CD99: variants seen among roughly 807,000 people sequenced by gnomAD.
CD99 encodes the protein CD99 molecule (Xg blood group).
Under a neutral mutation model 28.4 loss-of-function variants are expected in CD99, and 19 were observed. The ratio of observed to expected loss-of-function variants is 0.67; its 90% CI spans 0.47 to 0.98. The LOEUF (loss-of-function observed/expected upper bound fraction) is 0.98. Ranked by LOEUF, CD99 falls within the 50% of genes least tolerant of loss-of-function variation. The pLI, the probability that CD99 is intolerant of heterozygous loss-of-function variation, is 0.00. For missense variants in CD99, 283 were observed against 248.8 expected, an observed-to-expected ratio of 1.14 and a Z score of -0.92; for synonymous variants, 103 against 92.1, an observed-to-expected ratio of 1.12 and a Z score of -0.67.
intron 8 of CD99, 173 bp downstream of exon 8, chrX:2,726,546 C>A (rs1439487809): frequency 4.3e-6 from 3 of 692,918 alleles, no homozygotes; most frequent in Non-Finnish European, 7.9e-6. Flanking sequence ...GATTTCAGGG[C>A]TGTTCTGCCT....
intron 2 of CD99, among the ~76,000 whole-genome samples, chrX:2,716,388 G>A (rs1239752975): frequency 6.6e-6 from 1 of 151,984 alleles, no homozygotes; most frequent in South Asian, 2.1e-4. Context: ...TCAGGTTGGA[G>A]TGCAGTGTTG....
intron 1 of CD99, among the ~76,000 whole-genome samples, chrX:2,705,905 G>A (rs1333258459): frequency 2.6e-5 from 4 of 152,190 alleles, no homozygotes; most frequent in East Asian, 1.9e-4. Context: ...GAGGACTTCC[G>A]GTGCTTGCTC....
chrX:2,727,283 A>G (rs1443956477), intron 8 of CD99: 6 of 778,784 alleles, frequency 7.7e-6, no homozygotes, highest in South Asian at 1.3e-5. Flanking sequence ...CACCATTGCA[A>G]TCCTCCTAGG....
At chrX:2,737,286 T>G (rs1345464793) in intron 8 of CD99, among the ~76,000 whole-genome samples, 6 of 151,880 alleles carry the variant, frequency 4.0e-5, no homozygotes, top group Non-Finnish European at 7.4e-5. Context: ...CAAATGATTC[T>G]CCTGTCTCAG....
intron 9 of CD99, among the ~76,000 whole-genome samples, chrX:2,740,023 C>T (rs1203547154): frequency 2.6e-5 from 4 of 151,230 alleles, no homozygotes; most frequent in Non-Finnish European, 4.4e-5. Flanking sequence ...ACCCGGGAGG[C>T]GGAGGTTGTG....
chrX:2,729,735 C>G (rs1389342164), intron 8 of CD99, among the ~76,000 whole-genome samples: 1 of 152,126 alleles, frequency 6.6e-6, no homozygotes, highest in African/African-American at 2.4e-5. Flanking sequence ...CTTATCCGCC[C>G]CGCCACCCCT....
intron 8 of CD99, among the ~76,000 whole-genome samples, chrX:2,727,856 T>G (rs1036111940): frequency 5.3e-5 from 8 of 152,164 alleles, no homozygotes; most frequent in African/African-American, 1.9e-4. Context: ...ACTTAGATCT[T>G]AAGTCCTTAT....
At chrX:2,712,114 G>A (rs1228037175) in intron 1 of CD99, among the ~76,000 whole-genome samples, 1 of 152,124 alleles carries the variant, frequency 6.6e-6, no homozygotes, top group Non-Finnish European at 1.5e-5. Context: ...AGTGCAGTAA[G>A]CCGAGCACAG....
chrX:2,692,188 C>G (rs745981738), intron 1 of CD99: 4 of 483,164 alleles, frequency 8.3e-6, no homozygotes, highest in African/African-American at 7.9e-5. Context: ...GTTTCCCTCC[C>G]TTTGAAACGG....
intron 8 of CD99, chrX:2,727,325 G>C (rs311083): frequency 0.62 from 481,420 of 778,214 alleles, 154,069 homozygotes; most frequent in African/African-American, 0.87. Context: ...ACCTTGTATT[G>C]GGATCCGCCG....
At chrX:2,726,536 GA>G in intron 8 of CD99, 163 bp downstream of exon 8, 1 of 697,508 alleles carries the variant, frequency 1.4e-6, no homozygotes, top group East Asian at 2.7e-5. Flanking sequence ...TTCTGGCTTT[GA>G]TTTCAGGGCT....
rs754660649 is a variant in CD99, at chrX:2,720,577, A to G, written c.262+153A>G. 96 of 170,224 alleles carry G rather than the reference A, an allele frequency of 5.6e-4. No homozygotes were observed. Among genetic ancestry groups the G allele is most frequent in the African/African-American group, 2.3e-3 (91 of 39,630 alleles). 10.5% of individuals were successfully genotyped at this position (170,224 alleles called of 1,614,324 possible). ...CATGTTCATGTAATGGAAAATGTAC[A>G]TTTCAAAAATATATATTTAGCTTGG... On this transcript the variant is annotated intron_variant, in intron 5 of 9. Transcript: ENST00000381192.
intron 7 of CD99, 117 bp downstream of exon 7, chrX:2,723,481 G>A (rs1055052149): frequency 9.3e-6 from 11 of 1,178,736 alleles, no homozygotes; most frequent in Non-Finnish European, 1.4e-5. Context: ...CTACTGGCAG[G>A]AGGCACGGGT....
chrX:2,735,142 G>A (rs771776841), intron 8 of CD99, among the ~76,000 whole-genome samples: 3 of 152,248 alleles, frequency 2.0e-5, no homozygotes, highest in South Asian at 4.2e-4. Flanking sequence ...TCCTAACACC[G>A]CTTAAAGATT....
At chrX:2,723,476 G>A in intron 7 of CD99, 112 bp downstream of exon 7, 3 of 1,226,574 alleles carry the variant, frequency 2.4e-6, no homozygotes, top group Non-Finnish European at 3.6e-6. Flanking sequence ...TAAAGCTACT[G>A]GCAGGAGGCA....
intron 7 of CD99, among the ~76,000 whole-genome samples, chrX:2,725,625 T>G (rs2049238080): frequency 1.3e-5 from 2 of 151,288 alleles, no homozygotes; most frequent in Admixed American, 1.3e-4. Flanking sequence ...TTGTTTTGTT[T>G]TGTTTTGAGA....
At position 2,726,771 on chromosome X, in the gene CD99, T is replaced by C. The variant is rs770837716; in HGVS notation, c.475+398T>C. ...TTCCTGCCCTGTTATTTACAACCGATGTCATCATCAGGAGGAGAGCCGTGA... is the reference window on the plus strand; with the variant it reads ...TTCCTGCCCTGTTATTTACAACCGACGTCATCATCAGGAGGAGAGCCGTGA... On this transcript the variant is annotated intron_variant, in intron 8 of 9. Coordinates refer to ENST00000381192, the MANE Select transcript of CD99 (RefSeq NM_002414.5). Among the ~76,000 whole-genome samples, 4 of 152,154 alleles carry C rather than the reference T, an allele frequency of 2.6e-5. No individual in the cohort carries two copies. The South Asian group carries it at 6.2e-4, about 24-fold the overall frequency.
chrX:2,714,425 G>A lies in CD99; in HGVS notation c.71G>A (p.Gly24Asp), dbSNP rs1301493594. 1 of 1,597,488 alleles carries A rather than the reference G, an allele frequency of 6.3e-7. No individual in the cohort carries two copies. Among genetic ancestry groups the A allele is most frequent in the Non-Finnish European group, 8.6e-7 (1 of 1,166,702 alleles). Residue 24 changes from glycine to aspartate, a missense_variant, in exon 2 of 10, where the codon GGT becomes GAT. Gly to Asp is a moderately conservative substitution (Grantham distance 94, BLOSUM62 -1). Coordinates refer to ENST00000381192, the MANE Select transcript of CD99 (RefSeq NM_002414.5). ...TGACTCTTTTTTTCTCTCTTAGATG[G>A]TGGTTTCGATTTATCCGATGCCCTT... ...LLGVLVAAPDGGFDLSDALPD... is the reference protein window; with the variant it reads ...LLGVLVAAPDDGFDLSDALPD...
At chrX:2,692,270 C>G (rs2047352270) in intron 1 of CD99, 1 of 264,458 alleles carries the variant, frequency 3.8e-6, no homozygotes, top group African/African-American at 2.3e-5. Context: ...TTTCAATGGT[C>G]AGTGCATTTT....
Sources: allele counts gnomAD v4.1 joint callset (sites outside exome capture counted in the v4.1 genomes callset), GRCh38; gene constraint gnomAD v4.1.1; transcripts MANE v1.5; gene names NCBI Gene and HGNC (gene_info 2026-07-23, HGNC 2026-07-21).